PAK2: variants seen among roughly 807,000 people sequenced by gnomAD.
PAK2 encodes the protein serine/threonine-protein kinase PAK 2.
PAK2 carries 21 observed loss-of-function variants against 65.9 expected under a neutral mutation model. That is an observed-to-expected ratio of 0.32 (90% confidence interval 0.23 to 0.46). The LOEUF (loss-of-function observed/expected upper bound fraction) is 0.46. PAK2 is among the 20% of genes least tolerant of loss of function. The probability of loss-of-function intolerance (pLI) is 1.00; values close to 1 mark genes in which losing one functional copy is unlikely to be tolerated. For missense variants in PAK2, 324 were observed against 642.6 expected (o/e 0.50, Z 5.36); for synonymous variants, 204 against 219.7 (o/e 0.93, Z 0.63).
At chr3:196,777,767 G>A (rs924218312) in intron 1 of PAK2, among the ~76,000 whole-genome samples, 2 of 152,154 alleles carry the variant, frequency 1.3e-5, no homozygotes, top group African/African-American at 4.8e-5. Context: ...GAGGACTCAG[G>A]TCGTCTTTTA....
intron 13 of PAK2, among the ~76,000 whole-genome samples, chr3:196,826,995 C>CGG (rs1711899929): frequency 6.6e-6 from 1 of 151,954 alleles, no homozygotes; most frequent in Non-Finnish European, 1.5e-5. Context: ...AATCTGATTT[C>CGG]AGAAAAGTAA....
intron 1 of PAK2, among the ~76,000 whole-genome samples, chr3:196,764,761 C>T (rs1377601676): frequency 6.6e-6 from 1 of 151,816 alleles, no homozygotes; most frequent in Non-Finnish European, 1.5e-5. Context: ...TCAGGCAGTC[C>T]TCCCGCCTCA....
Position 196,827,345 on chromosome 3 carries a change from A to G in PAK2, c.1488+12A>G. ...AAGAATTATTACAGGTAAATTTAAA[A>G]ATGATTTCATTTGGGGGAATAGTTG... On this transcript the variant is annotated intron_variant, in intron 14 of 14. Transcript: ENST00000327134. 1 of 1,597,744 alleles carries G rather than the reference A, an allele frequency of 6.3e-7. No individual in the cohort carries two copies. The highest frequency in any genetic ancestry group is 8.5e-7 in the Non-Finnish European group (1 of 1,174,586).
At chr3:196,815,524 C>T (rs1715990057) in intron 11 of PAK2, among the ~76,000 whole-genome samples, 1 of 151,618 alleles carries the variant, frequency 6.6e-6, no homozygotes, top group Admixed American at 6.6e-5. Flanking sequence ...TACAGTGTCT[C>T]TCGCCTGTAA....
chr3:196,743,648 G>C (rs962623155), intron 1 of PAK2, among the ~76,000 whole-genome samples: 1 of 152,132 alleles, frequency 6.6e-6, no homozygotes, highest in East Asian at 1.9e-4. Context: ...AGGAGTTCAA[G>C]ACCAGCCTGG....
chr3:196,806,620 G>A lies in PAK2; in HGVS notation c.510G>A (p.Glu170=). The A allele has an allele frequency of 6.2e-7, 1 of 1,612,474 alleles. No homozygotes were observed. The highest frequency in any genetic ancestry group is 8.5e-7 in the Non-Finnish European group (1 of 1,178,534). Reference sequence around the variant, plus strand: ...CAGAAGCACCCGCAGTAGTGACAGAGGAGGAGGATGATGATGAAGAGACTG... The same window carrying A: ...CAGAAGCACCCGCAGTAGTGACAGAAGAGGAGGATGATGATGAAGAGACTG... ...KGTEAPAVVT[E]EEDDDEETAP... The change falls in exon 6 of 15, where the codon GAG becomes GAA. Residue 170 remains glutamate, a synonymous_variant. Transcript: ENST00000327134.
At chr3:196,770,645 C>CA (rs1411261261) in intron 1 of PAK2, among the ~76,000 whole-genome samples, 1 of 152,096 alleles carries the variant, frequency 6.6e-6, no homozygotes, top group East Asian at 1.9e-4. Context: ...ATTTTAAAGA[C>CA]AGAGTCCAGC....
chr3:196,826,932 A>C (rs1196964045), intron 13 of PAK2, among the ~76,000 whole-genome samples: 3 of 152,190 alleles, frequency 2.0e-5, no homozygotes, highest in Non-Finnish European at 2.9e-5. Context: ...ACAAAAAAAA[A>C]CAAAACAAAA....
chr3:196,756,448 C>T (rs933982659), intron 1 of PAK2, among the ~76,000 whole-genome samples: 1 of 152,158 alleles, frequency 6.6e-6, no homozygotes, highest in Non-Finnish European at 1.5e-5. Flanking sequence ...TAACTCATTT[C>T]AGAGTAGTTG....
intron 1 of PAK2, among the ~76,000 whole-genome samples, chr3:196,769,607 C>G (rs1047202066): frequency 3.3e-5 from 5 of 149,964 alleles, no homozygotes; most frequent in Admixed American, 2.0e-4. Context: ...GTCAGGAGAT[C>G]GAGACTGTCC....
At chr3:196,750,383 A>C (rs1343112378) in intron 1 of PAK2, among the ~76,000 whole-genome samples, 1 of 151,936 alleles carries the variant, frequency 6.6e-6, no homozygotes, top group African/African-American at 2.4e-5. Context: ...TTTTTTTCTA[A>C]GTCTGTGGTT....
At chr3:196,802,049 C>T in intron 3 of PAK2, 22 bp downstream of exon 3, 1 of 1,176,972 alleles carries the variant, frequency 8.5e-7, no homozygotes, top group Non-Finnish European at 1.3e-6. Context: ...TAGTTCGGGC[C>T]CATTTATAAC....
At chr3:196,743,839 G>A (rs560651366) in intron 1 of PAK2, among the ~76,000 whole-genome samples, 8 of 152,180 alleles carry the variant, frequency 5.3e-5, no homozygotes, top group East Asian at 1.9e-4. Flanking sequence ...CTGAGATTGC[G>A]CCACTGCACT....
rs192419747 is a variant in PAK2, at chr3:196,763,221, G to A, written c.-21-19405G>A. On this transcript the variant is annotated intron_variant, in intron 1 of 14. Transcript: ENST00000327134. ...ATAGTTGTTGGACATCTGCCCTTTAGGGTGCCAAGGAGAATTATTAACTCT... is the reference window on the plus strand; with the variant it reads ...ATAGTTGTTGGACATCTGCCCTTTAAGGTGCCAAGGAGAATTATTAACTCT... Among the ~76,000 whole-genome samples the A allele has an allele frequency of 1.2e-3, 189 of 152,222 alleles. 1 individual carries two copies. The highest frequency in any genetic ancestry group is 4.5e-3 in the African/African-American group (186 of 41,536).
At chr3:196,788,057 G>A (rs1003500448) in intron 2 of PAK2, among the ~76,000 whole-genome samples, 1 of 152,216 alleles carries the variant, frequency 6.6e-6, no homozygotes, top group African/African-American at 2.4e-5. Flanking sequence ...GTTTGCAGAA[G>A]CATTTTCCCA....
chr3:196,751,666 T>A (rs1370618517), intron 1 of PAK2, among the ~76,000 whole-genome samples: 1 of 41,360 alleles, frequency 2.4e-5, no homozygotes, highest in African/African-American at 7.7e-5. Context: ...CACAAATTTA[T>A]TTATATACAT....
At chr3:196,825,499 C>T (rs897988572) in intron 13 of PAK2, among the ~76,000 whole-genome samples, 5 of 151,800 alleles carry the variant, frequency 3.3e-5, no homozygotes, top group South Asian at 2.1e-4. Flanking sequence ...AAAAATTAGC[C>T]GGGCATTTTG....
intron 11 of PAK2, among the ~76,000 whole-genome samples, chr3:196,817,462 T>C (rs1711516367): frequency 6.6e-6 from 1 of 152,160 alleles, no homozygotes; most frequent in African/African-American, 2.4e-5. Flanking sequence ...GCGATTCTGC[T>C]ATCTCAGCCT....
Position 196,832,393 on chromosome 3 carries a change from A to T in PAK2, c.*3988A>T, listed in dbSNP as rs1365356842. On this transcript the variant is annotated 3_prime_UTR_variant, in exon 15 of 15. Coordinates refer to ENST00000327134, the MANE Select transcript of PAK2 (RefSeq NM_002577.4). ...TTTATTTTTAATTTAATCCCGTTCA[A>T]TTATTTAATTGTTATACATTGACAT... is the stretch of plus-strand genomic sequence containing the variant. 1 of 152,136 alleles carries T rather than the reference A, an allele frequency of 6.6e-6. No individual in the cohort carries two copies. The highest frequency in any genetic ancestry group is 2.4e-5 in the African/African-American group (1 of 41,418). The allele number at this position is 152,136 out of a possible 1,614,324, so 9.4% of individuals were successfully genotyped here.
Sources: allele counts gnomAD v4.1 joint callset (sites outside exome capture counted in the v4.1 genomes callset), GRCh38; gene constraint gnomAD v4.1.1; transcripts MANE v1.5; gene names NCBI Gene and HGNC (gene_info 2026-07-23, HGNC 2026-07-21).